The following PAN3 variants were observed in gnomAD, a reference collection of about 807,000 sequenced individuals.
PAN3 encodes poly(A) specific ribonuclease subunit PAN3, also known as PAN2-PAN3 deadenylation complex subunit PAN3.
A neutral mutation model predicts 96.2 loss-of-function variants in PAN3; 19 were observed. The ratio of observed to expected loss-of-function variants is 0.20; its 90% CI spans 0.14 to 0.29. The LOEUF (loss-of-function observed/expected upper bound fraction) is 0.29. Ranked by LOEUF, PAN3 falls within the 10% of genes least tolerant of loss-of-function variation. PAN3 has a pLI of 1.00. For synonymous variants in PAN3, 433 were observed against 406.6 expected (o/e 1.06, Z -0.78); for missense variants, 882 against 1,108.1 (o/e 0.80, Z 2.90).
intron 5 of PAN3, among the ~76,000 whole-genome samples, chr13:28,199,772 A>G (rs998762906): frequency 9.2e-5 from 14 of 152,112 alleles, no homozygotes; most frequent in African/African-American, 3.4e-4. Flanking sequence ...AGTATTTTTA[A>G]TATCGTTTTG....
chr13:28,146,589 A>G (rs555993300), intron 1 of PAN3, among the ~76,000 whole-genome samples: 19 of 152,318 alleles, frequency 1.2e-4, no homozygotes, highest in Admixed American at 6.5e-4. Context: ...GATATGGTCT[A>G]TAACCTGTTG....
intron 6 of PAN3, chr13:28,239,544 T>C (rs1253114858): frequency 8.4e-7 from 1 of 1,184,766 alleles, no homozygotes; most frequent in African/African-American, 1.6e-5. Flanking sequence ...TTATGAGCAG[T>C]AGCTGTTCTG....
rs747370124 is a variant in PAN3, at chr13:28,266,926, A to G, written c.1573+50A>G. 6.3e-6 allele frequency: 9 copies of G among 1,439,546 alleles called. No homozygotes were observed. In the South Asian group the frequency reaches 1.4e-4, roughly 23 times the overall value. The allele number at this position is 1,439,546 out of a possible 1,614,324, so 89.2% of individuals were successfully genotyped here. A position where few individuals can be genotyped will look rare whatever the true frequency, so the allele number is the denominator to read the frequency against. On this transcript the variant is annotated intron_variant, in intron 10 of 18. Coordinates refer to ENST00000380958, the MANE Select transcript of PAN3 (RefSeq NM_175854.8). ...TTATAATCGTATCATTGAGGCTAAG[A>G]TTATTCAAACCTTCTTGAATATATT...
At chr13:28,288,583 C>G (rs1005601053) in intron 18 of PAN3, among the ~76,000 whole-genome samples, 1 of 152,116 alleles carries the variant, frequency 6.6e-6, no homozygotes, top group Admixed American at 6.5e-5. Context: ...TGAGCCACTG[C>G]GCCTGGCCTT....
intron 1 of PAN3, among the ~76,000 whole-genome samples, chr13:28,158,869 C>A (rs576617210): frequency 6.7e-6 from 1 of 149,720 alleles, no homozygotes; most frequent in South Asian, 2.1e-4. Flanking sequence ...CAGAGCAAGA[C>A]TCCATCTCAG....
At chr13:28,171,294 A>G (rs1593403656) in intron 1 of PAN3, among the ~76,000 whole-genome samples, 1 of 152,160 alleles carries the variant, frequency 6.6e-6, no homozygotes, top group East Asian at 1.9e-4. Flanking sequence ...ACTCTCACAC[A>G]ACACTTTTGA....
At chr13:28,187,779 A>C (rs2138175006) in intron 4 of PAN3, among the ~76,000 whole-genome samples, 1 of 152,168 alleles carries the variant, frequency 6.6e-6, no homozygotes, top group South Asian at 2.1e-4. Flanking sequence ...AGGCTGGTTC[A>C]AACTCCGACT....
intron 1 of PAN3, among the ~76,000 whole-genome samples, chr13:28,139,885 A>G (rs1359150719): frequency 6.6e-6 from 1 of 152,058 alleles, no homozygotes; most frequent in African/African-American, 2.4e-5. Flanking sequence ...TTTATGTGCG[A>G]CTGAGCACTT....
intron 4 of PAN3, among the ~76,000 whole-genome samples, chr13:28,190,415 A>G (rs1877094426): frequency 6.7e-6 from 1 of 150,120 alleles, no homozygotes; most frequent in African/African-American, 2.5e-5. Context: ...TTATTAAAAA[A>G]ATTTTTTGGC....
chr13:28,273,213 G>A (rs538216242), intron 14 of PAN3, among the ~76,000 whole-genome samples: 2 of 152,200 alleles, frequency 1.3e-5, no homozygotes, highest in East Asian at 3.9e-4. Flanking sequence ...GTTGATTTAG[G>A]CCTCGTGATG....
At chr13:28,194,046 A>G (rs888190270) in intron 4 of PAN3, among the ~76,000 whole-genome samples, 2 of 151,840 alleles carry the variant, frequency 1.3e-5, no homozygotes, top group Admixed American at 6.6e-5. Context: ...AATCCCAGCT[A>G]CTTGGGAGAC....
At chr13:28,273,893 T>A (rs1214521769) in intron 14 of PAN3, among the ~76,000 whole-genome samples, 1 of 152,244 alleles carries the variant, frequency 6.6e-6, no homozygotes, top group Non-Finnish European at 1.5e-5. Flanking sequence ...AGTTCACTGA[T>A]AGAATTTCAG....
At chr13:28,271,344 T>G (rs1431363499) in intron 13 of PAN3, among the ~76,000 whole-genome samples, 4 of 152,234 alleles carry the variant, frequency 2.6e-5, no homozygotes, top group Non-Finnish European at 5.9e-5. Context: ...GGTACAGTTA[T>G]CAGTCTTGTC....
upstream of PAN3, chr13:28,138,278 G>GAAT (rs1869036285): frequency 6.5e-6 from 1 of 154,414 alleles, no homozygotes. Context: ...AGTGGAGGCA[G>GAAT]AATTTAAAAA....
chr13:28,149,092 T>C (rs1049409708), intron 1 of PAN3, among the ~76,000 whole-genome samples: 4 of 152,054 alleles, frequency 2.6e-5, no homozygotes, highest in Non-Finnish European at 5.9e-5. Context: ...TGGCGACTCA[T>C]ACCTGTAATC....
intron 4 of PAN3, among the ~76,000 whole-genome samples, chr13:28,193,235 G>A (rs931221658): frequency 6.6e-6 from 1 of 152,100 alleles, no homozygotes; most frequent in Non-Finnish European, 1.5e-5. Flanking sequence ...TTGGATTAGA[G>A]TTTAATCTCT....
At chr13:28,149,734 G>T (rs1871123701) in intron 1 of PAN3, among the ~76,000 whole-genome samples, 1 of 152,082 alleles carries the variant, frequency 6.6e-6, no homozygotes, top group African/African-American at 2.4e-5. Flanking sequence ...TCTTGCCTCA[G>T]CCTCCTTAGT....
At chr13:28,239,700 T>C in intron 6 of PAN3, 4 of 1,273,534 alleles carry the variant, frequency 3.1e-6, no homozygotes, top group Non-Finnish European at 4.1e-6. Flanking sequence ...ATGAGGGGTC[T>C]GTTTGTTTAA....
chr13:28,209,971 T>TG, intron 5 of PAN3, among the ~76,000 whole-genome samples: 1 of 152,080 alleles, frequency 6.6e-6, no homozygotes, highest in South Asian at 2.1e-4. Flanking sequence ...TTAGTAGAGA[T>TG]GGGGGTCTTG....
Sources: gnomAD v4.1 joint callset for allele counts (sites outside exome capture counted in the v4.1 genomes callset) on GRCh38, gnomAD v4.1.1 for gene constraint, MANE v1.5 for transcripts, NCBI Gene and HGNC (gene_info 2026-07-23, HGNC 2026-07-21) for gene names.